Variants in MON2 observed in about 807,000 individuals in gnomAD.
MON2 encodes MON2 regulator of endosome-to-Golgi trafficking, also known as protein MON2 homolog.
In MON2, 84 loss-of-function variants were observed where a neutral mutation model predicts 208.6. That is an observed-to-expected ratio of 0.40 (90% CI 0.34 to 0.48). MON2 has a LOEUF of 0.48. MON2 is among the 20% of genes least tolerant of loss of function. The probability of loss-of-function intolerance (pLI) is 0.59; values close to 1 mark genes in which losing one functional copy is unlikely to be tolerated. For missense variants in MON2, 1,611 were observed against 2,015.4 expected, an observed-to-expected ratio of 0.80 and a Z score of 3.84; for synonymous variants, 660 against 694.0, an observed-to-expected ratio of 0.95 and a Z score of 0.77.
At chr12:62,575,478 G>A (rs2074739231) in intron 30 of MON2, among the ~76,000 whole-genome samples, 1 of 152,166 alleles carries the variant, frequency 6.6e-6, no homozygotes, top group Non-Finnish European at 1.5e-5. Flanking sequence ...TGAACAGTAG[G>A]AAGATTGTTT....
chr12:62,538,517 T>C lies in MON2; in HGVS notation c.2364+12T>C. On this transcript the variant is annotated intron_variant, in intron 19 of 34. Coordinates refer to ENST00000393630, the MANE Select transcript of MON2 (RefSeq NM_015026.3). ...ATGGAAATAATAAGGTGTGATATTC[T>C]ACCTTTCTGTTTTAGATATGATACA... 1 of 1,523,486 alleles carries C rather than the reference T, an allele frequency of 6.6e-7. No homozygotes were observed. The highest frequency in any genetic ancestry group is 9.1e-7 in the Non-Finnish European group (1 of 1,100,918). 94.4% of individuals were successfully genotyped at this position (1,523,486 alleles called of 1,614,324 possible). A position where few individuals can be genotyped will look rare whatever the true frequency, so the allele number is the denominator to read the frequency against.
At chr12:62,490,080 A>G (rs937224515) in intron 2 of MON2, 67 of 953,120 alleles carry the variant, frequency 7.0e-5, no homozygotes, top group Non-Finnish European at 9.1e-5. Flanking sequence ...GAGCAAGGAA[A>G]CCCCTAGGAT....
At position 62,537,749 on chromosome 12, in the gene MON2, A is replaced by G. The variant is rs1359412483; in HGVS notation, c.2118+43A>G. On this transcript the variant is annotated intron_variant, in intron 16 of 34. Transcript: ENST00000393630. ...GGTCAGAGATTAGTGTTGTTTTTAT[A>G]TATAATTGCTAACAGTTAGACTAAG... 1.6e-5 allele frequency: 22 copies of G among 1,408,134 alleles called. 2 individuals carry two copies. The South Asian group carries it at 2.7e-4, about 17-fold the overall frequency. The allele number at this position is 1,408,134 out of a possible 1,614,324, so 87.2% of individuals were successfully genotyped here.
intron 25 of MON2, among the ~76,000 whole-genome samples, chr12:62,559,127 C>T (rs149705113): frequency 7.9e-4 from 121 of 152,222 alleles, no homozygotes; most frequent in African/African-American, 2.9e-3. Flanking sequence ...TTCTATTAAC[C>T]GACTGCTTTC....
At chr12:62,588,749 G>A in intron 34 of MON2, 3 of 587,960 alleles carry the variant, frequency 5.1e-6, no homozygotes. Context: ...CTCCATTCTA[G>A]TCACACTTTA....
intron 4 of MON2, among the ~76,000 whole-genome samples, chr12:62,496,063 A>G (rs1369928627): frequency 6.6e-6 from 1 of 152,168 alleles, no homozygotes; most frequent in Non-Finnish European, 1.5e-5. Context: ...GCTTTATTAT[A>G]ATTTGCATGG....
chr12:62,582,435 T>G (rs1056352605), intron 32 of MON2, among the ~76,000 whole-genome samples: 2 of 152,208 alleles, frequency 1.3e-5, no homozygotes, highest in Non-Finnish European at 2.9e-5. Flanking sequence ...CTCATTCCTC[T>G]CATCAGACAA....
chr12:62,474,281 G>A (rs1439398662), intron 1 of MON2, among the ~76,000 whole-genome samples: 1 of 151,956 alleles, frequency 6.6e-6, no homozygotes, highest in Non-Finnish European at 1.5e-5. Flanking sequence ...ACCACGCCCA[G>A]CTAATTTTTG....
At chr12:62,566,119 T>C in intron 28 of MON2, 88 bp downstream of exon 28, 3 of 1,428,714 alleles carry the variant, frequency 2.1e-6, no homozygotes, top group East Asian at 2.3e-5. Context: ...CTGTATGTGC[T>C]TTTTCCAATA....
intron 1 of MON2, among the ~76,000 whole-genome samples, chr12:62,470,036 C>G (rs2135938945): frequency 6.6e-6 from 1 of 151,988 alleles, no homozygotes; most frequent in South Asian, 2.1e-4. Flanking sequence ...CCCTGAGTAG[C>G]TGGGACTACA....
In MON2 at chr12:62,538,184, C is replaced by T; in HGVS notation, c.2199+8C>T. ...GTAGAAGGACCCAGTACAGTAAGCT[C>T]TAGTCTTTCTTACCCAATTAGTGCA... On this transcript the variant is annotated splice_region_variant and intron_variant, in intron 17 of 34. Coordinates refer to ENST00000393630, the MANE Select transcript of MON2 (RefSeq NM_015026.3). The T allele has an allele frequency of 1.2e-6, 2 of 1,612,934 alleles. No individual in the cohort carries two copies. The highest frequency in any genetic ancestry group is 2.2e-5 in the South Asian group (2 of 91,040).
intron 29 of MON2, 106 bp downstream of exon 29, chr12:62,566,556 T>A: frequency 9.1e-7 from 1 of 1,098,736 alleles, no homozygotes. Flanking sequence ...GAAAATACAA[T>A]TTGTAGTATT....
intron 26 of MON2, among the ~76,000 whole-genome samples, chr12:62,563,640 A>T (rs1417891165): frequency 1.3e-5 from 2 of 152,138 alleles, no homozygotes; most frequent in East Asian, 3.8e-4. Context: ...GTTTGTTGTT[A>T]AAAAATTGTG....
At position 62,537,649 on chromosome 12, in the gene MON2, G is replaced by T. The variant is rs772419939; in HGVS notation, c.2061G>T (p.Ala687=). The change falls in exon 16 of 35, where the codon GCG becomes GCT. Residue 687 remains alanine (A), a synonymous_variant. Coordinates refer to ENST00000393630, the MANE Select transcript of MON2 (RefSeq NM_015026.3). Reference sequence around the variant, plus strand: ...GTATGAGGACTTTACTTAACTTGGCGCATTGCCATGGGGCTGTTCTTGGAA... The same window carrying T: ...GTATGAGGACTTTACTTAACTTGGCTCATTGCCATGGGGCTGTTCTTGGAA... ...IQCMRTLLNL[A]HCHGAVLGTS... 1 of 1,613,178 alleles carries T rather than the reference G, an allele frequency of 6.2e-7. No homozygotes were observed. The highest frequency in any genetic ancestry group is 1.7e-5 in the Admixed American group (1 of 59,776).
chr12:62,544,993 A>G lies in MON2; in HGVS notation c.2562A>G (p.Pro854=). 1.2e-5 allele frequency: 19 copies of G among 1,583,308 alleles called. No homozygotes were observed. Among genetic ancestry groups the G allele is most frequent in the Non-Finnish European group, 1.6e-5 (19 of 1,164,388 alleles). The part of the protein sequence containing the change: ...KAGLTFNHDP[P]LSQNQRLQLL... ...GATTAACATTTAACCATGATCCTCC[A>G]CTCTCACAAAACCAGGTAATAAAAA... Residue 854 remains proline, a synonymous_variant, in exon 21 of 35, where the codon CCA becomes CCG. Transcript: ENST00000393630.
At chr12:62,525,353 G>T in intron 10 of MON2, 133 bp downstream of exon 10, 1 of 802,180 alleles carries the variant, frequency 1.2e-6, no homozygotes, top group South Asian at 2.0e-5. Flanking sequence ...GTAAAGAATT[G>T]CACTGAAAGA....
chr12:62,526,869 G>A (rs2072357387), intron 11 of MON2, among the ~76,000 whole-genome samples: 1 of 152,184 alleles, frequency 6.6e-6, no homozygotes, highest in Admixed American at 6.5e-5. Flanking sequence ...ACTCATGCCT[G>A]TAATCCCAGC....
chr12:62,492,768 C>G (rs1297621963), intron 2 of MON2, among the ~76,000 whole-genome samples: 8 of 150,076 alleles, frequency 5.3e-5, no homozygotes, highest in Non-Finnish European at 1.2e-4. Flanking sequence ...ATCACGAGGT[C>G]AGGAGATCGA....
chr12:62,474,129 T>A (rs2135956536), intron 1 of MON2, among the ~76,000 whole-genome samples: 1 of 151,578 alleles, frequency 6.6e-6, no homozygotes, highest in South Asian at 2.1e-4. Flanking sequence ...CTTTTTTTTT[T>A]TTTTCTGAGA....
Sources: allele counts gnomAD v4.1 joint callset (sites outside exome capture counted in the v4.1 genomes callset), GRCh38; gene constraint gnomAD v4.1.1; transcripts MANE v1.5; gene names NCBI Gene and HGNC (gene_info 2026-07-23, HGNC 2026-07-21).